TOX2: variants seen among roughly 807,000 people sequenced by gnomAD.
TOX2 encodes granulosa cell HMG box 1.
A neutral mutation model predicts 47.4 loss-of-function variants in TOX2; 15 were observed. The ratio of observed to expected loss-of-function variants is 0.32; its 90% CI spans 0.21 to 0.49. The LOEUF (loss-of-function observed/expected upper bound fraction) is 0.49. Among genes scored for constraint, TOX2 ranks in the 20% least tolerant of loss-of-function variants. The pLI, the probability that TOX2 is intolerant of heterozygous loss-of-function variation, is 0.99. For synonymous variants in TOX2, 290 were observed against 296.6 expected, an observed-to-expected ratio of 0.98 and a Z score of 0.23; for missense variants, 622 against 673.1, an observed-to-expected ratio of 0.92 and a Z score of 0.84.
chr20:43,969,531 G>A (rs1366979660), intron 1 of TOX2, among the ~76,000 whole-genome samples: 1 of 152,334 alleles, frequency 6.6e-6, no homozygotes, highest in South Asian at 2.1e-4. Context: ...CCAGGCCTTA[G>A]AGTACTGGAA....
At position 43,928,981 on chromosome 20, in the gene TOX2, G is replaced by GAAAAGAAAAA. The variant is rs1555829642; in HGVS notation, c.99+13995_99+13996insGAAAAAAAAA. 6.6e-4 allele frequency among the ~76,000 whole-genome samples: 57 copies of GAAAAGAAAAA among 86,140 alleles called. 1 individual carries two copies. The highest frequency in any genetic ancestry group is 2.8e-3 in the African/African-American group (57 of 20,192). 56.5% of individuals were successfully genotyped at this position (86,140 alleles called of 152,430 possible). ...GAAACCCTGTCTCTACTAAAAATAT[G>GAAAAGAAAAA]AAAAAAAAAAAAAAAAAACAACAAC... On this transcript the variant is annotated intron_variant, in intron 1 of 8. Coordinates refer to ENST00000341197, the MANE Select transcript of TOX2 (RefSeq NM_001098797.2).
At chr20:44,035,457 G>A (rs1400119499) in intron 3 of TOX2, among the ~76,000 whole-genome samples, 4 of 152,056 alleles carry the variant, frequency 2.6e-5, no homozygotes, top group South Asian at 2.1e-4. Context: ...ACTTCCTCTC[G>A]GTGGCCGCCG....
chr20:44,039,051 T>C, intron 3 of TOX2: 2 of 1,266,772 alleles, frequency 1.6e-6, no homozygotes, highest in Non-Finnish European at 2.0e-6. Flanking sequence ...TTCCCAGACA[T>C]CTCATGAGTG....
rs751563913 is a variant in TOX2, at chr20:43,985,052, C to T, written c.165+11620C>T. On this transcript the variant is annotated intron_variant, in intron 2 of 8. Transcript: ENST00000341197. ...ACCAAGAAGTGGAAATGAAGCCAGACGTGGGGACTTTCTCAGAATGGGACT... is the reference window on the plus strand; with the variant it reads ...ACCAAGAAGTGGAAATGAAGCCAGATGTGGGGACTTTCTCAGAATGGGACT... Among the ~76,000 whole-genome samples, 5 of 152,106 alleles carry T rather than the reference C, an allele frequency of 3.3e-5. No individual in the cohort carries two copies. In the East Asian group the frequency reaches 7.7e-4, roughly 23 times the overall value.
chr20:43,965,817 A>G (rs1241942370), intron 1 of TOX2, among the ~76,000 whole-genome samples: 1 of 152,178 alleles, frequency 6.6e-6, no homozygotes, highest in African/African-American at 2.4e-5. Flanking sequence ...CTGACCTTGA[A>G]CAGGAGAGAG....
At chr20:43,987,535 T>TA (rs1176112342) in intron 2 of TOX2, among the ~76,000 whole-genome samples, 9 of 152,144 alleles carry the variant, frequency 5.9e-5, no homozygotes, top group African/African-American at 1.7e-4. Flanking sequence ...CAATAAGGTG[T>TA]AAAAAAAGAA....
intron 4 of TOX2, 85 bp from the exon 5 acceptor site, chr20:44,054,214 G>A: frequency 1.4e-6 from 2 of 1,414,608 alleles, no homozygotes; most frequent in Admixed American, 2.0e-5. Context: ...CTGGAGAAGT[G>A]CAGCTCGGCC....
At chr20:44,042,183 G>C (rs1374058210) in intron 3 of TOX2, among the ~76,000 whole-genome samples, 4 of 152,230 alleles carry the variant, frequency 2.6e-5, no homozygotes, top group African/African-American at 9.6e-5. Flanking sequence ...AAGAGGGCTT[G>C]TGCAGGGGAA....
chr20:44,057,542 G>A (rs2071642603), intron 5 of TOX2, among the ~76,000 whole-genome samples: 1 of 151,408 alleles, frequency 6.6e-6, no homozygotes, highest in Non-Finnish European at 1.5e-5. Flanking sequence ...CTAGGTGATG[G>A]ATAGGAAAGT....
chr20:44,035,917 C>T (rs1385677236), intron 3 of TOX2, among the ~76,000 whole-genome samples: 1 of 152,252 alleles, frequency 6.6e-6, no homozygotes, highest in Non-Finnish European at 1.5e-5. Flanking sequence ...TGCATTGCTA[C>T]AGAGGCTTCA....
intron 2 of TOX2, among the ~76,000 whole-genome samples, chr20:43,998,584 T>C (rs74173185): frequency 6.6e-6 from 1 of 152,202 alleles, no homozygotes; most frequent in Non-Finnish European, 1.5e-5. Context: ...TACATAAAAA[T>C]TTGTCATTTC....
intron 4 of TOX2, among the ~76,000 whole-genome samples, 183 bp downstream of exon 4, chr20:44,051,728 A>G (rs1399286965): frequency 6.6e-6 from 1 of 152,170 alleles, no homozygotes; most frequent in Non-Finnish European, 1.5e-5. Context: ...TCCGCCACAG[A>G]GCTCAGTGGT....
In TOX2 at chr20:44,006,631, C is replaced by T; in HGVS notation, c.250C>T (p.His84Tyr). 6.2e-7 allele frequency: 1 copy of T among 1,614,166 alleles called. No individual in the cohort carries two copies. The highest frequency in any genetic ancestry group is 8.5e-7 in the Non-Finnish European group (1 of 1,180,032). Residue 84 changes from histidine (H) to tyrosine (Y), a missense_variant, in exon 3 of 9, where the codon CAC becomes TAC. Physicochemically the swap from His to Tyr is moderately conservative, Grantham distance 83. Transcript: ENST00000341197. ...PPNLPEPSLL[H>Y]LGDHEASYHS... ...CAACCTCCCGGAGCCATCCCTCCTGCACCTGGGGGACCACGAAGCCAGCTA... is the reference window on the plus strand; with the variant it reads ...CAACCTCCCGGAGCCATCCCTCCTGTACCTGGGGGACCACGAAGCCAGCTA...
chr20:44,005,698 G>A (rs1235015718), intron 2 of TOX2, among the ~76,000 whole-genome samples: 1 of 152,182 alleles, frequency 6.6e-6, no homozygotes, highest in East Asian at 1.9e-4. Flanking sequence ...CCTGTCAGTG[G>A]ATGCAGGGGG....
intron 1 of TOX2, among the ~76,000 whole-genome samples, chr20:43,953,564 T>C (rs999725810): frequency 6.6e-6 from 1 of 152,178 alleles, no homozygotes; most frequent in Admixed American, 6.5e-5. Context: ...TCTGTAGGAA[T>C]GCAGGGCAGG....
rs1401881352 is a variant in TOX2, at chr20:43,920,713, T to G, written c.99+5723T>G. Among the ~76,000 whole-genome samples, 4 of 152,126 alleles carry G rather than the reference T, an allele frequency of 2.6e-5. No individual in the cohort carries two copies. In the East Asian group the frequency reaches 7.7e-4, roughly 29 times the overall value. On this transcript the variant is annotated intron_variant, in intron 1 of 8. Coordinates refer to ENST00000341197, the MANE Select transcript of TOX2 (RefSeq NM_001098797.2). ...CCTTGAGCCTGTCAGCACCCTTCTT[T>G]GGGCCTCTGTTTCCCTGTGTGCAAA...
Position 44,064,680 on chromosome 20 carries a change from C to T in TOX2, c.880-97C>T, listed in dbSNP as rs144974933. 5.7e-4 allele frequency: 671 copies of T among 1,184,164 alleles called. 1 individual carries two copies. The highest frequency in any genetic ancestry group is 7.4e-4 in the Non-Finnish European group (601 of 815,724). The allele number at this position is 1,184,164 out of a possible 1,614,324, so 73.4% of individuals were successfully genotyped here. On this transcript the variant is annotated intron_variant, in intron 5 of 8. Coordinates refer to ENST00000341197, the MANE Select transcript of TOX2 (RefSeq NM_001098797.2). ...TCTGACCCCACCACCCTCGTCCATT[C>T]GTGATCCTTGAATCCATGCCTTCCC... is the stretch of plus-strand genomic sequence containing the variant.
At chr20:43,939,123 C>T (rs1028494747) in intron 1 of TOX2, among the ~76,000 whole-genome samples, 5 of 152,066 alleles carry the variant, frequency 3.3e-5, no homozygotes, top group South Asian at 2.1e-4. Context: ...ATCTGTAAAA[C>T]GAGGAGATCA....
chr20:43,951,404 G>A (rs888479102), intron 1 of TOX2, among the ~76,000 whole-genome samples: 7 of 151,886 alleles, frequency 4.6e-5, no homozygotes, highest in Admixed American at 3.9e-4. Context: ...GTGAAACCCC[G>A]TATCTACTAA....
Sources: allele counts gnomAD v4.1 joint callset (sites outside exome capture counted in the v4.1 genomes callset), GRCh38; gene constraint gnomAD v4.1.1; transcripts MANE v1.5; gene names NCBI Gene and HGNC (gene_info 2026-07-23, HGNC 2026-07-21).